Variants in CCSER1 observed in about 807,000 individuals in gnomAD.
The protein encoded by CCSER1 is coiled-coil serine rich protein 1, also known as serine-rich coiled-coil domain-containing protein 1.
Under a neutral mutation model 82.0 loss-of-function variants are expected in CCSER1, and 41 were observed. The ratio of observed to expected loss-of-function variants is 0.50; its 90% CI spans 0.39 to 0.65. The LOEUF is 0.65. CCSER1 is among the 30% of genes least tolerant of loss of function. The pLI, the probability that CCSER1 is intolerant of heterozygous loss-of-function variation, is 0.00. For synonymous variants in CCSER1, 414 were observed against 383.9 expected (o/e 1.08, Z -0.92); for missense variants, 1,119 against 1,064.2 (o/e 1.05, Z -0.72).
At chr4:90,597,536 T>A (rs1783485108) in intron 5 of CCSER1, among the ~76,000 whole-genome samples, 1 of 152,086 alleles carries the variant, frequency 6.6e-6, no homozygotes, top group African/African-American at 2.4e-5. Context: ...TTAATTTTTT[T>A]TAAAAAATAC....
chr4:90,348,545 GT>G (rs753352671), intron 3 of CCSER1, among the ~76,000 whole-genome samples: 10 of 151,990 alleles, frequency 6.6e-5, no homozygotes, highest in Non-Finnish European at 1.3e-4. Context: ...ATTGCACATA[GT>G]ACTGTCTCTA....
chr4:91,297,392 T>C (rs1744290637), intron 10 of CCSER1, among the ~76,000 whole-genome samples: 1 of 100,856 alleles, frequency 9.9e-6, no homozygotes, highest in African/African-American at 4.0e-5. Context: ...TGTATGTGTG[T>C]GTGTGTGTGT....
At chr4:90,566,666 A>C (rs1404374086) in intron 5 of CCSER1, among the ~76,000 whole-genome samples, 4 of 150,580 alleles carry the variant, frequency 2.7e-5, no homozygotes, top group Non-Finnish European at 4.4e-5. Flanking sequence ...GCAGTGGCGC[A>C]ATCTCGGCTC....
intron 5 of CCSER1, among the ~76,000 whole-genome samples, chr4:90,489,326 T>A (rs1767597105): frequency 6.6e-6 from 1 of 152,036 alleles, no homozygotes; most frequent in Admixed American, 6.6e-5. Flanking sequence ...TAAGTGAAAA[T>A]CCTCTTTTGA....
At chr4:91,552,470 C>A (rs2110228055) in intron 10 of CCSER1, among the ~76,000 whole-genome samples, 1 of 151,662 alleles carries the variant, frequency 6.6e-6, no homozygotes, top group South Asian at 2.1e-4. Context: ...TATACAGAGT[C>A]ATAATTTGGG....
At chr4:90,950,440 G>A (rs1361527601) in intron 9 of CCSER1, among the ~76,000 whole-genome samples, 1 of 151,900 alleles carries the variant, frequency 6.6e-6, no homozygotes, top group Non-Finnish European at 1.5e-5. Context: ...CTGAATTATG[G>A]TGCTGCAGCC....
At chr4:90,523,535 T>C (rs1773389348) in intron 5 of CCSER1, among the ~76,000 whole-genome samples, 1 of 152,186 alleles carries the variant, frequency 6.6e-6, no homozygotes, top group Non-Finnish European at 1.5e-5. Flanking sequence ...GTACAGTGTT[T>C]ATATGATATT....
chr4:90,563,474 AACC>A (rs1433615591), intron 5 of CCSER1, among the ~76,000 whole-genome samples: 1 of 152,082 alleles, frequency 6.6e-6, no homozygotes, highest in Admixed American at 6.6e-5. Context: ...TGCCCTTGAT[AACC>A]ACCATTTCCC....
chr4:91,288,209 CCTT>C (rs1743470883), intron 10 of CCSER1, among the ~76,000 whole-genome samples: 1 of 148,222 alleles, frequency 6.7e-6, no homozygotes, highest in African/African-American at 2.5e-5. Flanking sequence ...TACACACACA[CCTT>C]CTGGTTTTAG....
rs1015134324 is a variant in CCSER1 at position 90,554,949 on chromosome 4, C to G, written c.1725-73076C>G. ...TATTTTCTTGAATCTGGCAGTAACA[C>G]GAAGGATCTAAAAACTGATAAACAC... On this transcript the variant is annotated intron_variant, in intron 5 of 10. Coordinates refer to ENST00000509176, the MANE Select transcript of CCSER1 (RefSeq NM_001145065.2). 9.2e-5 allele frequency among the ~76,000 whole-genome samples: 14 copies of G among 152,204 alleles called. No individual in the cohort carries two copies. In the East Asian group the frequency reaches 2.5e-3, roughly 27 times the overall value.
intron 10 of CCSER1, among the ~76,000 whole-genome samples, chr4:91,297,286 C>G (rs1301127774): frequency 2.6e-5 from 4 of 151,378 alleles, no homozygotes; most frequent in African/African-American, 9.7e-5. Flanking sequence ...ACAGCAAGAG[C>G]AGGATAGCAG....
At chr4:90,292,292 T>C (rs1410397034) in intron 1 of CCSER1, among the ~76,000 whole-genome samples, 1 of 151,980 alleles carries the variant, frequency 6.6e-6, no homozygotes, top group African/African-American at 2.4e-5. Context: ...GAAAAAATGA[T>C]ATTCAGATAT....
At chr4:91,097,567 A>C (rs765978889) in intron 10 of CCSER1, among the ~76,000 whole-genome samples, 3 of 152,234 alleles carry the variant, frequency 2.0e-5, no homozygotes, top group Non-Finnish European at 4.4e-5. Context: ...CTGATTATAA[A>C]AATGCTTCTT....
chr4:91,603,400 A>G lies in CCSER1; in HGVS notation c.*4343A>G, dbSNP rs1320727398. ...GCATGCAGCCCAAAACCAAAAAGTTAAAAGATGATAACACTCTGTGGTTGA... is the reference window on the plus strand; with the variant it reads ...GCATGCAGCCCAAAACCAAAAAGTTGAAAGATGATAACACTCTGTGGTTGA... On this transcript the variant is annotated 3_prime_UTR_variant, in exon 11 of 11. Coordinates refer to ENST00000509176, the MANE Select transcript of CCSER1 (RefSeq NM_001145065.2). 1 of 152,166 alleles carries G rather than the reference A, an allele frequency of 6.6e-6. No individual in the cohort carries two copies. Among genetic ancestry groups the G allele is most frequent in the African/African-American group, 2.4e-5 (1 of 41,452 alleles). 9.4% of individuals were successfully genotyped at this position (152,166 alleles called of 1,614,324 possible). A position where few individuals can be genotyped will look rare whatever the true frequency, so the allele number is the denominator to read the frequency against.
chr4:90,179,092 T>C (rs545368421), intron 1 of CCSER1, among the ~76,000 whole-genome samples: 2 of 152,274 alleles, frequency 1.3e-5, no homozygotes, highest in African/African-American at 2.4e-5. Context: ...TTCTAGTTAG[T>C]TTTATATAGC....
intron 9 of CCSER1, among the ~76,000 whole-genome samples, chr4:90,954,218 A>G (rs1343684807): frequency 6.6e-6 from 1 of 152,044 alleles, no homozygotes; most frequent in African/African-American, 2.4e-5. Context: ...TTTGTATGCT[A>G]TATTTGCAGA....
chr4:90,161,231 C>T (rs1729376546), intron 1 of CCSER1, among the ~76,000 whole-genome samples: 1 of 152,070 alleles, frequency 6.6e-6, no homozygotes, highest in South Asian at 2.1e-4. Context: ...TCCAAGTACA[C>T]AGTATTCACC....
intron 10 of CCSER1, among the ~76,000 whole-genome samples, chr4:91,527,388 A>G (rs968868035): frequency 2.6e-5 from 4 of 152,224 alleles, no homozygotes; most frequent in African/African-American, 9.6e-5. Context: ...GTCACTGAGC[A>G]TGACCAATAT....
intron 10 of CCSER1, among the ~76,000 whole-genome samples, chr4:91,455,724 T>C (rs1177984468): frequency 6.6e-6 from 1 of 152,100 alleles, no homozygotes; most frequent in Non-Finnish European, 1.5e-5. Flanking sequence ...CCCAGCACTA[T>C]GCCTGAAATA....
Sources: allele counts gnomAD v4.1 joint callset (sites outside exome capture counted in the v4.1 genomes callset), GRCh38; gene constraint gnomAD v4.1.1; transcripts MANE v1.5; gene names NCBI Gene and HGNC (gene_info 2026-07-23, HGNC 2026-07-21).